Variants in FREM3 observed in about 807,000 individuals in gnomAD.
FREM3 encodes the protein FRAS1-related extracellular matrix protein 3.
A neutral mutation model predicts 129.1 loss-of-function variants in FREM3; 105 were observed. That is an observed-to-expected ratio of 0.81 (90% CI 0.69 to 0.96). FREM3 has a LOEUF of 0.96. FREM3 is among the 40% of genes least tolerant of loss of function. The probability of loss-of-function intolerance (pLI) is 0.00; values close to 1 mark genes in which losing one functional copy is unlikely to be tolerated. For missense variants in FREM3, 2,593 were observed against 2,666.3 expected, an observed-to-expected ratio of 0.97 and a Z score of 0.61; for synonymous variants, 1,014 against 1,044.9, an observed-to-expected ratio of 0.97 and a Z score of 0.57.
chr4:143,697,992 A>G lies in FREM3; in HGVS notation c.2684T>C (p.Val895Ala). 6.5e-7 allele frequency: 1 copy of G among 1,537,488 alleles called. No homozygotes were observed. The highest frequency in any genetic ancestry group is 8.7e-7 in the Non-Finnish European group (1 of 1,146,972). Residue 895 changes from valine (V) to alanine (A), a missense_variant, in exon 1 of 8, where the codon GTT becomes GCT. By Grantham distance (64) the Val-to-Ala change is moderately conservative. Transcript: ENST00000329798. ...CTGGTAAGAGACACTCCCGTTAATA[A>G]CATCAGCTTGCATGAAAGATTCCCC... is the stretch of plus-strand genomic sequence containing the variant. ...VPGESFMQADVINGSVSYQHG... is the reference protein window; with the variant it reads ...VPGESFMQADAINGSVSYQHG...
chr4:143,631,868 C>T (rs978210), intron 2 of FREM3, among the ~76,000 whole-genome samples: 1 of 152,090 alleles, frequency 6.6e-6, no homozygotes, highest in Non-Finnish European at 1.5e-5. Context: ...CGTACTGTTT[C>T]TAAGGCATGA....
At chr4:143,673,760 G>T (rs550211994) in intron 2 of FREM3, among the ~76,000 whole-genome samples, 5 of 152,216 alleles carry the variant, frequency 3.3e-5, no homozygotes, top group African/African-American at 9.6e-5. Context: ...CTTCCTGGCC[G>T]CTTTGTTTAC....
chr4:143,654,080 G>A (rs564684072), intron 2 of FREM3, among the ~76,000 whole-genome samples: 2 of 152,182 alleles, frequency 1.3e-5, no homozygotes, highest in South Asian at 2.1e-4. Context: ...CAAACCAAGC[G>A]ATCTTTCTAT....
chr4:143,677,650 A>T (rs1410729251), intron 2 of FREM3, among the ~76,000 whole-genome samples: 4 of 152,246 alleles, frequency 2.6e-5, no homozygotes, highest in African/African-American at 9.6e-5. Flanking sequence ...CTCATCTGAC[A>T]AAGGGCTAAT....
At position 143,696,308 on chromosome 4, in the gene FREM3, G is replaced by T; in HGVS notation, c.4368C>A (p.Ser1456Arg). The change falls in exon 1 of 8, where the codon AGC becomes AGA. Residue 1456 changes from serine to arginine, a missense_variant. By Grantham distance (110) the Ser-to-Arg change is moderately radical. Around this residue, in one of 2 missense-constraint regions of FREM3, gnomAD observed 2,276 missense variants for 2,267.2 expected, o/e 1.00. Transcript: ENST00000329798. ...NNLLTNSDINSSDEHHFSITR... is the reference protein window; with the variant it reads ...NNLLTNSDINRSDEHHFSITR... ...TAATGCTAAAGTGATGTTCATCAGA[G>T]CTGTTGATGTCACTGTTGGTAAGCA... 6.5e-7 allele frequency: 1 copy of T among 1,537,482 alleles called. No homozygotes were observed. The highest frequency in any genetic ancestry group is 8.7e-7 in the Non-Finnish European group (1 of 1,146,934).
At chr4:143,663,029 C>T (rs1324979758) in intron 2 of FREM3, among the ~76,000 whole-genome samples, 1 of 152,106 alleles carries the variant, frequency 6.6e-6, no homozygotes, top group Non-Finnish European at 1.5e-5. Context: ...GGTCTTGACT[C>T]TTTATCCGAT....
intron 7 of FREM3, among the ~76,000 whole-genome samples, chr4:143,583,738 C>A (rs1460933688): frequency 2.0e-5 from 3 of 151,868 alleles, no homozygotes; most frequent in Non-Finnish European, 4.4e-5. Context: ...GAAATAAGAT[C>A]TTCATCAGAC....
intron 6 of FREM3, among the ~76,000 whole-genome samples, chr4:143,590,166 A>G (rs1367184333): frequency 2.6e-5 from 4 of 152,154 alleles, no homozygotes; most frequent in Non-Finnish European, 5.9e-5. Flanking sequence ...CTAGATATAC[A>G]ATCATGTCAT....
In FREM3 at chr4:143,674,345, A is replaced by C. The variant is rs1360894541; in HGVS notation, c.5275+18768T>G. 2.0e-5 allele frequency among the ~76,000 whole-genome samples: 3 copies of C among 152,320 alleles called. No homozygotes were observed. The East Asian group carries it at 5.8e-4, about 29-fold the overall frequency. On this transcript the variant is annotated intron_variant, in intron 2 of 7. Transcript: ENST00000329798. ...ACTTTACAGACAAGCAACTGCTGAG[A>C]GATTTTGTCACCACCAGGCCTGCCC...
intron 2 of FREM3, among the ~76,000 whole-genome samples, chr4:143,658,095 A>G (rs1739633210): frequency 6.6e-6 from 1 of 152,246 alleles, no homozygotes; most frequent in Non-Finnish European, 1.5e-5. Flanking sequence ...CTCTACCTGC[A>G]TAATCTGGTC....
At chr4:143,584,398 A>C (rs1738202635) in intron 7 of FREM3, among the ~76,000 whole-genome samples, 1 of 141,764 alleles carries the variant, frequency 7.1e-6, no homozygotes, top group Admixed American at 7.1e-5. Context: ...CCTGGGCGAC[A>C]GAGCGAGACT....
In FREM3 at chr4:143,624,334, A is replaced by T; in HGVS notation, c.5427T>A (p.Ile1809=). ...GYLGETSFIS[I]GTKDETAKKD... The stretch of plus-strand genomic sequence containing the variant: ...TTTTTGCAGTTTCATCTTTGGTACC[A>T]ATGCCTGAATAAAAATCAGAAAACT... Residue 1809 remains isoleucine (I), a synonymous_variant, in exon 4 of 8, where the codon ATT becomes ATA. Transcript: ENST00000329798. 1 of 1,523,842 alleles carries T rather than the reference A, an allele frequency of 6.6e-7. No homozygotes were observed. Among genetic ancestry groups the T allele is most frequent in the Non-Finnish European group, 8.8e-7 (1 of 1,135,436 alleles). 94.4% of individuals were successfully genotyped at this position (1,523,842 alleles called of 1,614,324 possible). A position where few individuals can be genotyped will look rare whatever the true frequency, so the allele number is the denominator to read the frequency against.
In FREM3 at chr4:143,606,410, C is replaced by A. The variant is rs565815640; in HGVS notation, c.6028+4869G>T. Among the ~76,000 whole-genome samples the A allele has an allele frequency of 8.6e-5, 13 of 151,758 alleles. No individual in the cohort carries two copies. The South Asian group carries it at 2.7e-3, about 32-fold the overall frequency. ...GCAAACACTTGAAGAAAGCTGCAAC[C>A]CTTTTAAACTAACAATGGGGTTAAA... On this transcript the variant is annotated intron_variant, in intron 6 of 7. Coordinates refer to ENST00000329798, the MANE Select transcript of FREM3 (RefSeq NM_001168235.2).
At chr4:143,608,497 G>A (rs1738702361) in intron 6 of FREM3, among the ~76,000 whole-genome samples, 1 of 152,108 alleles carries the variant, frequency 6.6e-6, no homozygotes, top group African/African-American at 2.4e-5. Context: ...TGGTGTTTGA[G>A]CCTATTCTAA....
At chr4:143,694,589 A>G (rs1740532447) in intron 1 of FREM3, among the ~76,000 whole-genome samples, 1 of 152,188 alleles carries the variant, frequency 6.6e-6, no homozygotes, top group Non-Finnish European at 1.5e-5. Context: ...AAGTTTATAT[A>G]AGTTTAATAT....
chr4:143,643,131 G>C (rs1739351185), intron 2 of FREM3, among the ~76,000 whole-genome samples: 1 of 152,092 alleles, frequency 6.6e-6, no homozygotes. Context: ...GTGTTGGTGA[G>C]GATACAGAGA....
intron 2 of FREM3, among the ~76,000 whole-genome samples, chr4:143,658,550 T>A (rs1023711286): frequency 6.6e-6 from 1 of 152,234 alleles, no homozygotes; most frequent in African/African-American, 2.4e-5. Context: ...CCACCTTGTC[T>A]AAACCTTTCC....
chr4:143,616,588 C>G (rs1322166300), intron 5 of FREM3, among the ~76,000 whole-genome samples: 1 of 152,014 alleles, frequency 6.6e-6, no homozygotes, highest in African/African-American at 2.4e-5. Flanking sequence ...AGATTGAGAC[C>G]ATCCTGGCTA....
At chr4:143,651,393 T>C (rs1314280764) in intron 2 of FREM3, among the ~76,000 whole-genome samples, 2 of 152,200 alleles carry the variant, frequency 1.3e-5, no homozygotes, top group Admixed American at 1.3e-4. Context: ...GGAAAGGCAT[T>C]ACAAAAGACC....
Sources: allele counts gnomAD v4.1 joint callset (sites outside exome capture counted in the v4.1 genomes callset), GRCh38; gene constraint gnomAD v4.1.1; regional missense constraint gnomAD v4.1.1; transcripts MANE v1.5; gene names NCBI Gene and HGNC (gene_info 2026-07-23, HGNC 2026-07-21).